AGO4: variants seen among roughly 807,000 people sequenced by gnomAD.
AGO4 encodes protein argonaute-4.
In AGO4, 33 loss-of-function variants were observed where a neutral mutation model predicts 104.7. The ratio of observed to expected loss-of-function variants is 0.32; its 90% confidence interval spans 0.24 to 0.42. The LOEUF is 0.42. Among genes scored for constraint, AGO4 ranks in the 10% least tolerant of loss-of-function variants. AGO4 has a pLI of 1.00. For missense variants in AGO4, 711 were observed against 1,083.4 expected (o/e 0.66, Z 4.83); for synonymous variants, 331 against 364.7 (o/e 0.91, Z 1.05).
At position 35,853,730 on chromosome 1, in the gene AGO4, G is replaced by A. The variant is rs1644760218; in HGVS notation, c.*125G>A. ...GGTCTTCTACCAGCAGCTCGGAATA[G>A]TTGCACTGAATCTATACTTTGCAGC... On this transcript the variant is annotated 3_prime_UTR_variant, in exon 18 of 18. Coordinates refer to ENST00000373210, the MANE Select transcript of AGO4 (RefSeq NM_017629.4). 4.1e-6 allele frequency: 3 copies of A among 731,254 alleles called. No individual in the cohort carries two copies. The highest frequency in any genetic ancestry group is 2.5e-4 in the Middle Eastern group (1 of 4,058). 45.3% of individuals were successfully genotyped at this position (731,254 alleles called of 1,614,324 possible). A position where few individuals can be genotyped will look rare whatever the true frequency, so the allele number is the denominator to read the frequency against.
At chr1:35,811,469 AC>A (rs1398631095) in intron 1 of AGO4, among the ~76,000 whole-genome samples, 2 of 149,562 alleles carry the variant, frequency 1.3e-5, no homozygotes, top group African/African-American at 2.5e-5. Context: ...CCAAAAAAAA[AC>A]AAAAAAAAAA....
rs1165279972 is a variant in AGO4 at position 35,826,851 on chromosome 1, C to G, written c.848+16C>G. 6.2e-7 allele frequency: 1 copy of G among 1,609,276 alleles called. No homozygotes were observed. Among genetic ancestry groups the G allele is most frequent in the Non-Finnish European group, 8.5e-7 (1 of 1,177,554 alleles). On this transcript the variant is annotated intron_variant, in intron 7 of 17. Coordinates refer to ENST00000373210, the MANE Select transcript of AGO4 (RefSeq NM_017629.4). Reference sequence around the variant, plus strand: ...GTCATCAAACGTATGTTAACCACATCTAAAGTAATACAATTACATTTTTAG... The same window carrying G: ...GTCATCAAACGTATGTTAACCACATGTAAAGTAATACAATTACATTTTTAG...
rs747049309 is a variant in AGO4, at chr1:35,818,087, AAG to A, written c.185+1042_185+1043del. Among the ~76,000 whole-genome samples, 20 of 152,322 alleles carry A rather than the reference AAG, an allele frequency of 1.3e-4. No individual in the cohort carries two copies. In the East Asian group the frequency reaches 1.5e-3, roughly 12 times the overall value. On this transcript the variant is annotated intron_variant, in intron 2 of 17. Coordinates refer to ENST00000373210, the MANE Select transcript of AGO4 (RefSeq NM_017629.4). ...GTTGGTAATAAATGCAATAAAGAAAAAGAAAATAGAGATGGAAGATAGGAAAT... is the reference window on the plus strand; with the variant it reads ...GTTGGTAATAAATGCAATAAAGAAAAAAAATAGAGATGGAAGATAGGAAAT...
intron 15 of AGO4, among the ~76,000 whole-genome samples, chr1:35,849,466 T>G (rs1644649251): frequency 6.7e-6 from 1 of 148,466 alleles, no homozygotes; most frequent in African/African-American, 2.5e-5. Context: ...GAGAATTGCT[T>G]GAGCCCAGGA....
chr1:35,840,970 T>C (rs944992954), intron 13 of AGO4, among the ~76,000 whole-genome samples, 195 bp from the exon 14 acceptor site: 3 of 152,160 alleles, frequency 2.0e-5, no homozygotes, highest in African/African-American at 7.2e-5. Context: ...CCATGTTCAC[T>C]TCTTCAGTCA....
intron 15 of AGO4, among the ~76,000 whole-genome samples, chr1:35,847,070 T>A (rs1175253481): frequency 1.3e-5 from 2 of 152,092 alleles, no homozygotes; most frequent in Non-Finnish European, 2.9e-5. Flanking sequence ...TCCTCCCATA[T>A]GTTTTAAAAC....
rs771437259 is a variant in AGO4 at position 35,822,886 on chromosome 1, G to A, written c.210G>A (p.Arg70=). 1.2e-5 allele frequency: 19 copies of A among 1,613,932 alleles called. No homozygotes were observed. The East Asian group carries it at 4.2e-4, about 36-fold the overall frequency. ...VNREVVDTMV[R]HFKMQIFGDR... ...GGGAGGTAGTAGATACAATGGTGCG[G>A]CACTTCAAGATGCAAATATTTGGTG... The change falls in exon 3 of 18, where the codon CGG becomes CGA. Residue 70 remains arginine, a synonymous_variant. Coordinates refer to ENST00000373210, the MANE Select transcript of AGO4 (RefSeq NM_017629.4).
At chr1:35,822,751 AC>A (rs1169648810) in intron 2 of AGO4, 110 bp from the exon 3 acceptor site, 4 of 1,371,888 alleles carry the variant, frequency 2.9e-6, no homozygotes, top group Admixed American at 4.1e-5. Flanking sequence ...CTTAACTCTT[AC>A]TTTTTCCAAG....
At chr1:35,832,616 T>A in intron 11 of AGO4, 46 bp downstream of exon 11, 2 of 1,599,980 alleles carry the variant, frequency 1.3e-6, no homozygotes, top group Non-Finnish European at 1.7e-6. Flanking sequence ...CTTCCAGATA[T>A]GAAAATACTG....
chr1:35,851,284 T>A (rs1468751180), intron 17 of AGO4: 3 of 544,670 alleles, frequency 5.5e-6, no homozygotes, highest in Non-Finnish European at 9.8e-6. Flanking sequence ...TTGGAGCTGC[T>A]TGTGGTTCTC....
chr1:35,827,032 T>G (rs1644039302), intron 7 of AGO4, among the ~76,000 whole-genome samples, 197 bp downstream of exon 7: 2 of 151,826 alleles, frequency 1.3e-5, no homozygotes, highest in African/African-American at 4.8e-5. Flanking sequence ...AAACCCCATC[T>G]CTACTAAAAA....
rs1553144129 is a variant in AGO4, at chr1:35,816,816, A to AAAAAAG, written c.20-62_20-57dup. On this transcript the variant is annotated intron_variant, in intron 1 of 17. Coordinates refer to ENST00000373210, the MANE Select transcript of AGO4 (RefSeq NM_017629.4). ...TCTGTCTCAAAAAAAAAAAAAAAAA[A>AAAAAAG]AAAAAGAAAGAAAGAAAGAAAAAGA... 9.3e-4 allele frequency: 1,092 copies of AAAAAAG among 1,179,004 alleles called. 7 individuals are homozygous for AAAAAAG. Among genetic ancestry groups the AAAAAAG allele is most frequent in the Admixed American group, 2.9e-3 (105 of 36,698 alleles). The allele number at this position is 1,179,004 out of a possible 1,614,324, so 73.0% of individuals were successfully genotyped here. A position where few individuals can be genotyped will look rare whatever the true frequency, so the allele number is the denominator to read the frequency against.
Position 35,834,012 on chromosome 1 carries a change from A to C in AGO4, c.1402A>C (p.Lys468Gln). 6.3e-7 allele frequency: 1 copy of C among 1,578,434 alleles called. No homozygotes were observed. The change falls in exon 12 of 18, where the codon AAA becomes CAA. Residue 468 changes from lysine to glutamine, a missense_variant. Transcript: ENST00000373210. ...LLKSFTDQLR[K>Q]ISKDAGMPIQ... ...CAGGAGTTTCACTGACCAGCTGCGT[A>C]AAATCTCTAAGGATGCAGGAATGCC...
chr1:35,845,122 T>C (rs1476043163), intron 15 of AGO4, among the ~76,000 whole-genome samples: 1 of 135,168 alleles, frequency 7.4e-6, no homozygotes, highest in African/African-American at 2.8e-5. Flanking sequence ...ACTTTTTTTT[T>C]TTTTTTTTTG....
chr1:35,810,642 G>A (rs1643470124), intron 1 of AGO4, among the ~76,000 whole-genome samples: 1 of 152,172 alleles, frequency 6.6e-6, no homozygotes, highest in South Asian at 2.1e-4. Flanking sequence ...TGAGAAAAGT[G>A]AGGTTCAGAG....
intron 1 of AGO4, among the ~76,000 whole-genome samples, chr1:35,812,911 A>G (rs1449778011): frequency 1.3e-5 from 2 of 152,098 alleles, no homozygotes; most frequent in African/African-American, 4.8e-5. Flanking sequence ...TTTATGAATG[A>G]TACAGTGATT....
rs184717353 is a variant in AGO4, at chr1:35,824,743, A to G, written c.307-570A>G. Among the ~76,000 whole-genome samples, 1,263 of 152,278 alleles carry G rather than the reference A, an allele frequency of 8.3e-3. 11 individuals are homozygous for G. Among genetic ancestry groups the G allele is most frequent in the Non-Finnish European group, 0.013 (871 of 68,022 alleles). Reference sequence around the variant, plus strand: ...TTGAGCCCAGGACTTTGAGGCTACAATAAGTTATTATTGCACCACTGCACT... The same window carrying G: ...TTGAGCCCAGGACTTTGAGGCTACAGTAAGTTATTATTGCACCACTGCACT... On this transcript the variant is annotated intron_variant, in intron 3 of 17. Transcript: ENST00000373210.
chr1:35,815,282 A>G (rs1333597796), intron 1 of AGO4, among the ~76,000 whole-genome samples: 1 of 152,208 alleles, frequency 6.6e-6, no homozygotes, highest in Non-Finnish European at 1.5e-5. Flanking sequence ...CATTGTAACC[A>G]CAGCCCACTT....
chr1:35,826,371 A>G (rs1017444133), intron 6 of AGO4, among the ~76,000 whole-genome samples: 1 of 152,220 alleles, frequency 6.6e-6, no homozygotes, highest in African/African-American at 2.4e-5. Context: ...CTTCCATTTT[A>G]ATAAAATAAC....
Sources: allele counts gnomAD v4.1 joint callset (sites outside exome capture counted in the v4.1 genomes callset), GRCh38; gene constraint gnomAD v4.1.1; transcripts MANE v1.5; gene names NCBI Gene and HGNC (gene_info 2026-07-23, HGNC 2026-07-21).